Variants in PPP2R2C observed in about 807,000 individuals in gnomAD.
PPP2R2C encodes the protein protein phosphatase 2 regulatory subunit Bgamma.
A neutral mutation model predicts 45.3 loss-of-function variants in PPP2R2C; 10 were observed. The observed-to-expected ratio is 0.22, with a 90% CI of 0.14 to 0.37. The LOEUF (loss-of-function observed/expected upper bound fraction) is 0.37, where lower values mean the gene tolerates loss of function less well. PPP2R2C is among the 10% of genes least tolerant of loss of function. The pLI, the probability that PPP2R2C is intolerant of heterozygous loss-of-function variation, is 1.00. For missense variants in PPP2R2C, 308 were observed against 619.7 expected, an observed-to-expected ratio of 0.50 and a Z score of 5.34; for synonymous variants, 257 against 245.4, an observed-to-expected ratio of 1.05 and a Z score of -0.44.
At chr4:6,465,348 G>A (rs984732310) in intron 1 of PPP2R2C, among the ~76,000 whole-genome samples, 3 of 152,086 alleles carry the variant, frequency 2.0e-5, no homozygotes, top group African/African-American at 2.4e-5. Flanking sequence ...GAGGAGCACG[G>A]ACATTTAATA....
At chr4:6,547,603 AG>A (rs1374343449) in intron 1 of PPP2R2C, among the ~76,000 whole-genome samples, 22 of 152,302 alleles carry the variant, frequency 1.4e-4, no homozygotes, top group African/African-American at 5.1e-4. Context: ...ATAGAGGGGC[AG>A]GAGAGAAGTG....
Position 6,559,395 on chromosome 4 carries a change from GCACACACA to G in PPP2R2C, c.-59+4157_-59+4164del, listed in dbSNP as rs58400617. On this transcript the variant is annotated intron_variant, in intron 1 of 9. Transcript: ENST00000506140. ...AATGGCAGTTCTGAAAAAATACACA[GCACACACA>G]CACACACACACACACACACACACAC... Among the ~76,000 whole-genome samples the G allele has an allele frequency of 1.5e-3, 218 of 144,862 alleles. 2 individuals carry two copies. Among genetic ancestry groups the G allele is most frequent in the East Asian group, 0.015 (76 of 5,054 alleles).
At chr4:6,554,050 CA>C (rs544831291) in intron 1 of PPP2R2C, among the ~76,000 whole-genome samples, 7 of 152,178 alleles carry the variant, frequency 4.6e-5, no homozygotes, top group South Asian at 2.1e-4. Flanking sequence ...AAGGGGTTAT[CA>C]GGGGGTGACT....
rs542602575 is a variant in PPP2R2C at position 6,364,318 on chromosome 4, G to A, written c.625+8205C>T. Reference sequence around the variant, plus strand: ...GAAATATGGTGAAGAGCAGGGGGCCGGGAACGCTGAGCCCAGGGAGCAAAG... The same window carrying A: ...GAAATATGGTGAAGAGCAGGGGGCCAGGAACGCTGAGCCCAGGGAGCAAAG... On this transcript the variant is annotated intron_variant, in intron 5 of 8. Transcript: ENST00000382599. This position sits in a 1 kb window ranked among gnomAD's most constrained non-coding sequence, Gnocchi z 5.3. Among the ~76,000 whole-genome samples the A allele has an allele frequency of 7.2e-5, 11 of 152,342 alleles. No homozygotes were observed. Among genetic ancestry groups the A allele is most frequent in the African/African-American group, 1.4e-4 (6 of 41,582 alleles).
chr4:6,406,097 C>T (rs769035246), intron 1 of PPP2R2C, among the ~76,000 whole-genome samples: 4 of 152,150 alleles, frequency 2.6e-5, no homozygotes, highest in Non-Finnish European at 5.9e-5. Flanking sequence ...TCACCCTATT[C>T]GGAGCACGTT....
chr4:6,477,834 T>A (rs754713530), intron 2 of PPP2R2C, among the ~76,000 whole-genome samples: 22 of 151,182 alleles, frequency 1.5e-4, no homozygotes, highest in Admixed American at 1.2e-3. Flanking sequence ...CCCCACAGCC[T>A]GTCCTCCTTC....
At chr4:6,442,291 A>G (rs1720194701) in intron 1 of PPP2R2C, among the ~76,000 whole-genome samples, 1 of 152,222 alleles carries the variant, frequency 6.6e-6, no homozygotes, top group Non-Finnish European at 1.5e-5. Flanking sequence ...CCGTGGGCTG[A>G]TTCTGCCCAG....
chr4:6,330,562 C>T lies in PPP2R2C; in HGVS notation c.961-1209G>A, dbSNP rs1483989580. 2.0e-5 allele frequency among the ~76,000 whole-genome samples: 3 copies of T among 152,094 alleles called. No homozygotes were observed. Among genetic ancestry groups the T allele is most frequent in the Non-Finnish European group, 2.9e-5 (2 of 68,006 alleles). ...GACCTCCCTGAGGACCGGGGGATTC[C>T]GCTAACAGATGCGTGTGGGCTCGCA... On this transcript the variant is annotated intron_variant, in intron 7 of 8. Transcript: ENST00000382599. The surrounding 1 kb of genome is among the most constrained non-coding windows in gnomAD (Gnocchi z 7.0).
At chr4:6,403,805 G>A (rs1229224887) in intron 1 of PPP2R2C, among the ~76,000 whole-genome samples, 1 of 151,524 alleles carries the variant, frequency 6.6e-6, no homozygotes, top group African/African-American at 2.4e-5. Flanking sequence ...GGAGGTTGCA[G>A]TGTGCAGAGA....
chr4:6,387,743 G>C (rs1716316634), intron 1 of PPP2R2C, among the ~76,000 whole-genome samples: 1 of 151,864 alleles, frequency 6.6e-6, no homozygotes, highest in South Asian at 2.1e-4. Context: ...AACCTGAGAG[G>C]TGGTGGAGGT....
intron 2 of PPP2R2C, among the ~76,000 whole-genome samples, chr4:6,504,114 G>A (rs1403771637): frequency 6.6e-6 from 1 of 152,232 alleles, no homozygotes; most frequent in East Asian, 1.9e-4. Context: ...GTAGCTGACA[G>A]CATGTGGGGC....
intron 5 of PPP2R2C, among the ~76,000 whole-genome samples, chr4:6,360,263 C>T (rs1010830178): frequency 2.0e-5 from 3 of 152,252 alleles, no homozygotes; most frequent in African/African-American, 7.2e-5. Flanking sequence ...GTCAGCGTTC[C>T]TCCCACTGTT....
At chr4:6,511,843 G>A (rs868478310) in intron 2 of PPP2R2C, among the ~76,000 whole-genome samples, 941 of 36,846 alleles carry the variant, frequency 0.026, 3 homozygotes, top group Admixed American at 0.038. Context: ...GGTGATGGTG[G>A]TGGTGGTGGT....
chr4:6,458,120 T>G (rs1430149567), intron 1 of PPP2R2C, among the ~76,000 whole-genome samples: 1 of 152,196 alleles, frequency 6.6e-6, no homozygotes, highest in South Asian at 2.1e-4. Context: ...TCCATTTACC[T>G]CCAATTTAAA....
intron 1 of PPP2R2C, among the ~76,000 whole-genome samples, chr4:6,402,367 G>A (rs528741260): frequency 1.3e-5 from 2 of 152,296 alleles, no homozygotes; most frequent in East Asian, 3.9e-4. Context: ...AAAGTATAAT[G>A]AGCTGCCAAG....
chr4:6,332,698 C>T lies in PPP2R2C; in HGVS notation c.960+864G>A, dbSNP rs1433954475. Among the ~76,000 whole-genome samples, 1 of 152,146 alleles carries T rather than the reference C, an allele frequency of 6.6e-6. No individual in the cohort carries two copies. Among genetic ancestry groups the T allele is most frequent in the East Asian group, 1.9e-4 (1 of 5,188 alleles). On this transcript the variant is annotated intron_variant, in intron 7 of 8. Coordinates refer to ENST00000382599, the MANE Select transcript of PPP2R2C (RefSeq NM_020416.4). This position sits in a 1 kb window ranked among gnomAD's most constrained non-coding sequence, Gnocchi z 4.9. The stretch of plus-strand genomic sequence containing the variant: ...TCTCAGTGCCCGAGTTCCCTTTCCA[C>T]CAAATAGGATGATGGCTCCTTGTCA...
At chr4:6,457,743 T>A (rs951168187) in intron 1 of PPP2R2C, among the ~76,000 whole-genome samples, 1 of 152,170 alleles carries the variant, frequency 6.6e-6, no homozygotes, top group Non-Finnish European at 1.5e-5. Flanking sequence ...ATCAGAAACA[T>A]TGAGATGTCA....
chr4:6,512,226 G>C (rs1346961248), intron 2 of PPP2R2C, among the ~76,000 whole-genome samples: 34 of 113,946 alleles, frequency 3.0e-4, no homozygotes, highest in African/African-American at 1.2e-3. Context: ...TGGTGTTGGT[G>C]GTGGTGATGG....
At chr4:6,447,573 GTCC>G (rs1314651613) in intron 1 of PPP2R2C, among the ~76,000 whole-genome samples, 1 of 130,216 alleles carries the variant, frequency 7.7e-6, no homozygotes, top group African/African-American at 3.0e-5. Flanking sequence ...CCTGACCTTT[GTCC>G]TCCTCCTTCC....
Sources: allele counts gnomAD v4.1 joint callset (sites outside exome capture counted in the v4.1 genomes callset), GRCh38; gene constraint gnomAD v4.1.1; non-coding constraint Gnocchi (gnomAD v3.1); transcripts MANE v1.5; gene names NCBI Gene and HGNC (gene_info 2026-07-23, HGNC 2026-07-21).